The following PAM variants were observed in gnomAD, a reference collection of about 807,000 sequenced individuals.
PAM encodes peptidyl-glycine alpha-amidating monooxygenase.
PAM carries 72 observed loss-of-function variants against 122.1 expected under a neutral mutation model. The ratio of observed to expected loss-of-function variants is 0.59; its 90% CI spans 0.49 to 0.72. The LOEUF (loss-of-function observed/expected upper bound fraction) is 0.72. Ranked by LOEUF, PAM falls within the 30% of genes least tolerant of loss-of-function variation. The pLI is 0.00. For synonymous variants in PAM, 389 were observed against 404.4 expected (o/e 0.96, Z 0.46); for missense variants, 1,106 against 1,183.7 (o/e 0.93, Z 0.96).
At chr5:102,946,909 A>G in intron 8 of PAM, 24 bp downstream of exon 8, 1 of 1,514,286 alleles carries the variant, frequency 6.6e-7, no homozygotes, top group Non-Finnish European at 9.2e-7. Flanking sequence ...TTTTTCCTAG[A>G]GGAGCAGCAA....
chr5:102,863,396 G>A (rs1784678139), intron 1 of PAM, among the ~76,000 whole-genome samples: 1 of 152,064 alleles, frequency 6.6e-6, no homozygotes, highest in Admixed American at 6.6e-5. Context: ...CCCTTCCACT[G>A]AATACTGCTT....
At chr5:102,829,882 A>T (rs1041111041) in intron 1 of PAM, among the ~76,000 whole-genome samples, 3 of 152,162 alleles carry the variant, frequency 2.0e-5, no homozygotes, top group African/African-American at 4.8e-5. Flanking sequence ...AATTCTGCAG[A>T]TATCTTTTAT....
At chr5:102,896,058 T>TC (rs1796128141) in intron 3 of PAM, 1 of 151,722 alleles carries the variant, frequency 6.6e-6, no homozygotes. Context: ...CAAGGAGGTT[T>TC]CCACCGCTAT....
At chr5:102,798,485 G>A (rs925251130) in intron 1 of PAM, among the ~76,000 whole-genome samples, 1 of 152,206 alleles carries the variant, frequency 6.6e-6, no homozygotes, top group Admixed American at 6.5e-5. Context: ...TATAGTAGAT[G>A]TCTTTTCTTT....
At chr5:102,852,493 C>G (rs2150746161) in intron 1 of PAM, among the ~76,000 whole-genome samples, 1 of 151,736 alleles carries the variant, frequency 6.6e-6, no homozygotes, top group Non-Finnish European at 1.5e-5. Flanking sequence ...GTAACGGTTT[C>G]TGGTTGGGAT....
At chr5:102,914,141 G>T (rs964671953) in intron 5 of PAM, 120 bp downstream of exon 5, 10 of 647,708 alleles carry the variant, frequency 1.5e-5, no homozygotes, top group Non-Finnish European at 2.8e-5. Flanking sequence ...TTAAGAAAAA[G>T]AACATTGTTC....
chr5:102,783,882 T>C (rs1450635090), intron 1 of PAM, among the ~76,000 whole-genome samples: 1 of 151,948 alleles, frequency 6.6e-6, no homozygotes, highest in East Asian at 1.9e-4. Flanking sequence ...AAGTTCAAAA[T>C]TCTTCATGAT....
At chr5:102,846,217 A>C (rs1245403894) in intron 1 of PAM, among the ~76,000 whole-genome samples, 1 of 152,110 alleles carries the variant, frequency 6.6e-6, no homozygotes, top group African/African-American at 2.4e-5. Context: ...TTTGCCCCCA[A>C]CTTCCATTTC....
intron 1 of PAM, among the ~76,000 whole-genome samples, chr5:102,814,602 T>C (rs1769105538): frequency 6.7e-6 from 1 of 148,604 alleles, no homozygotes; most frequent in Admixed American, 6.7e-5. Context: ...TATTGATATA[T>C]ACATATATTG....
intron 1 of PAM, among the ~76,000 whole-genome samples, chr5:102,860,217 C>T (rs537000721): frequency 7.0e-4 from 106 of 152,086 alleles, no homozygotes; most frequent in African/African-American, 2.4e-3. Flanking sequence ...AGGAGGCATC[C>T]GTGTGATGGG....
At chr5:103,025,411 T>C (rs769880409) in intron 24 of PAM, 77 bp downstream of exon 24, 22 of 1,197,590 alleles carry the variant, frequency 1.8e-5, no homozygotes, top group South Asian at 2.4e-5. Context: ...AGGAGTTTGA[T>C]TGGGATTTTT....
chr5:103,013,802 A>G lies in PAM; in HGVS notation c.2332-3532A>G, dbSNP rs183724001. On this transcript the variant is annotated intron_variant, in intron 21 of 25. Coordinates refer to ENST00000438793, the MANE Select transcript of PAM (RefSeq NM_001177306.2). ...AGAGACACAGCCTTTTGTTCACTGG[A>G]GCTTTAAGCCATAGTAACAGGATCT... Among the ~76,000 whole-genome samples the G allele has an allele frequency of 1.4e-3, 217 of 152,258 alleles. 1 individual carries two copies. The highest frequency in any genetic ancestry group is 5.0e-3 in the African/African-American group (209 of 41,576).
intron 7 of PAM, among the ~76,000 whole-genome samples, chr5:102,940,466 T>C (rs1372139639): frequency 6.8e-6 from 1 of 146,330 alleles, no homozygotes; most frequent in African/African-American, 2.5e-5. Flanking sequence ...TTTATATCTA[T>C]AATGCTATGT....
chr5:102,872,827 A>G (rs2151024094), intron 3 of PAM, among the ~76,000 whole-genome samples: 1 of 152,290 alleles, frequency 6.6e-6, no homozygotes, highest in South Asian at 2.1e-4. Flanking sequence ...AGGTCTATAT[A>G]TTTTTTAATT....
rs35149404 is a variant in PAM at position 102,782,725 on chromosome 5, CTGTG to C, written c.-374+27409_-374+27412del. On this transcript the variant is annotated intron_variant, in intron 1 of 25. Coordinates refer to ENST00000438793, the MANE Select transcript of PAM (RefSeq NM_001177306.2). ...CATTTCTCTCTCTCTCTCTCTCTCT[CTGTG>C]TGTGTGTGTGTGTGTGTGTGTGTGT... Among the ~76,000 whole-genome samples the C allele has an allele frequency of 9.1e-3, 1,279 of 140,120 alleles. 10 individuals carry two copies. Among genetic ancestry groups the C allele is most frequent in the South Asian group, 0.02 (82 of 4,158 alleles). The allele number at this position is 140,120 out of a possible 152,430, so 91.9% of individuals were successfully genotyped here. A position where few individuals can be genotyped will look rare whatever the true frequency, so the allele number is the denominator to read the frequency against.
At chr5:102,961,272 A>G (rs1164869086) in intron 14 of PAM, 43 bp downstream of exon 14, 5 of 1,077,554 alleles carry the variant, frequency 4.6e-6, no homozygotes, top group South Asian at 3.8e-5. Flanking sequence ...AAAAGTATCA[A>G]TTTCCAAGTA....
intron 1 of PAM, among the ~76,000 whole-genome samples, chr5:102,783,229 G>GT (rs1759536478): frequency 1.1e-5 from 1 of 92,954 alleles, no homozygotes. Context: ...ACCAGATTTA[G>GT]CAAAAAAAAA....
chr5:102,953,785 G>A (rs1331499252), intron 12 of PAM, among the ~76,000 whole-genome samples: 2 of 152,118 alleles, frequency 1.3e-5, no homozygotes, highest in Admixed American at 1.3e-4. Context: ...AGGCCAAGGC[G>A]GGCAGATTGC....
At chr5:102,861,129 T>C (rs1054587602) in intron 1 of PAM, among the ~76,000 whole-genome samples, 2 of 152,200 alleles carry the variant, frequency 1.3e-5, no homozygotes, top group African/African-American at 2.4e-5. Flanking sequence ...TTCCCAGCCA[T>C]GTGAGCAAGC....
Sources: gnomAD v4.1 joint callset for allele counts (sites outside exome capture counted in the v4.1 genomes callset) on GRCh38, gnomAD v4.1.1 for gene constraint, MANE v1.5 for transcripts, NCBI Gene and HGNC (gene_info 2026-07-23, HGNC 2026-07-21) for gene names.